The following CDH23 variants were observed in gnomAD, a reference collection of about 807,000 sequenced individuals.
CDH23 encodes the protein cadherin-23.
A neutral mutation model predicts 317.1 loss-of-function variants in CDH23; 189 were observed. The observed-to-expected ratio is 0.60, with a 90% confidence interval of 0.53 to 0.67. CDH23 has a LOEUF of 0.67. Ranked by LOEUF, CDH23 falls within the 30% of genes least tolerant of loss-of-function variation. CDH23 has a pLI of 0.00. For missense variants in CDH23, 4,401 were observed against 4,592.4 expected (o/e 0.96, Z 1.20); for synonymous variants, 1,839 against 1,876.8 (o/e 0.98, Z 0.52).
At chr10:71,559,133 C>T (rs116278460) in intron 6 of CDH23, among the ~76,000 whole-genome samples, 42 of 152,286 alleles carry the variant, frequency 2.8e-4, no homozygotes, top group Admixed American at 1.4e-3. Context: ...TCTGAGATGC[C>T]GGCCTGAGCT....
intron 28 of CDH23, among the ~76,000 whole-genome samples, chr10:71,718,188 G>T (rs1199359077): frequency 6.6e-6 from 1 of 152,194 alleles, no homozygotes; most frequent in Non-Finnish European, 1.5e-5. Context: ...AAGATGTCAG[G>T]TCACGCTCAG....
chr10:71,514,469 C>T (rs1344261502), intron 6 of CDH23, among the ~76,000 whole-genome samples: 8 of 152,178 alleles, frequency 5.3e-5, no homozygotes, highest in Non-Finnish European at 1.2e-4. Context: ...CCCAAGTCCT[C>T]AGGCCAGGAA....
chr10:71,809,218 G>T, intron 60 of CDH23, among the ~76,000 whole-genome samples: 1 of 97,304 alleles, frequency 1.0e-5, no homozygotes, highest in Non-Finnish European at 1.8e-5. Flanking sequence ...TCTGTTTGTT[G>T]CCCAGGCTGG....
At chr10:71,521,770 C>G (rs960297534) in intron 6 of CDH23, among the ~76,000 whole-genome samples, 2 of 152,256 alleles carry the variant, frequency 1.3e-5, no homozygotes, top group African/African-American at 4.8e-5. Flanking sequence ...TTAGTCCTCT[C>G]TCCTCTGGAT....
Position 71,532,894 on chromosome 10 carries a change from T to A in CDH23, c.429+21682T>A, listed in dbSNP as rs141065347. ...ACAGGCATCCACCACCATGCCTGGCTAATTTTTTGTATTTTTTAATAGAGA... is the reference window on the plus strand; with the variant it reads ...ACAGGCATCCACCACCATGCCTGGCAAATTTTTTGTATTTTTTAATAGAGA... On this transcript the variant is annotated intron_variant, in intron 6 of 69. Coordinates refer to ENST00000224721, the MANE Select transcript of CDH23 (RefSeq NM_022124.6). Among the ~76,000 whole-genome samples the A allele has an allele frequency of 7.4e-3, 1,129 of 152,140 alleles. 16 individuals are homozygous for A. The highest frequency in any genetic ancestry group is 0.026 in the African/African-American group (1,078 of 41,518).
chr10:71,655,782 G>A (rs1863391304), intron 14 of CDH23, among the ~76,000 whole-genome samples: 1 of 152,052 alleles, frequency 6.6e-6, no homozygotes, highest in Admixed American at 6.6e-5. Flanking sequence ...GAGAAGGTTA[G>A]CAGAGGCCTC....
intron 1 of CDH23, among the ~76,000 whole-genome samples, chr10:71,433,269 G>C (rs986468751): frequency 6.6e-6 from 1 of 152,144 alleles, no homozygotes; most frequent in Non-Finnish European, 1.5e-5. Flanking sequence ...AGTTGAGCCA[G>C]TCCCCTTTTG....
chr10:71,667,727 G>A (rs953800132), intron 14 of CDH23, among the ~76,000 whole-genome samples: 1 of 152,140 alleles, frequency 6.6e-6, no homozygotes, highest in Non-Finnish European at 1.5e-5. Context: ...TGCAAAGAAA[G>A]CCTGGGTAAG....
Position 71,739,632 on chromosome 10 carries a change from T to A in CDH23, c.4360-12T>A, listed in dbSNP as rs1290714121. 1 of 1,611,954 alleles carries A rather than the reference T, an allele frequency of 6.2e-7. No individual in the cohort carries two copies. Among genetic ancestry groups the A allele is most frequent in the Middle Eastern group, 1.7e-4 (1 of 5,946 alleles). On this transcript the variant is annotated splice_polypyrimidine_tract_variant and intron_variant, in intron 35 of 69. Coordinates refer to ENST00000224721, the MANE Select transcript of CDH23 (RefSeq NM_022124.6). ...ACACCTGCTCACCCCTCACCCTCTC[T>A]TCTCCCCACAGGTGGTCTTCTCCCT...
intron 13 of CDH23, 36 bp downstream of exon 13, chr10:71,646,016 G>C (rs772719809): frequency 1.3e-6 from 2 of 1,593,980 alleles, no homozygotes; most frequent in Non-Finnish European, 1.7e-6. Context: ...GGAGTGGGGT[G>C]GGGGGTGGAT....
In CDH23 at chr10:71,614,586, C is replaced by A. The variant is rs569320971; in HGVS notation, c.833-918C>A. Among the ~76,000 whole-genome samples the A allele has an allele frequency of 3.3e-5, 5 of 152,296 alleles. No homozygotes were observed. In the East Asian group the frequency reaches 9.6e-4, roughly 29 times the overall value. On this transcript the variant is annotated intron_variant, in intron 9 of 69. Coordinates refer to ENST00000224721, the MANE Select transcript of CDH23 (RefSeq NM_022124.6). ...GCCGGGAAGGGAGATCCAATGAACA[C>A]CCAATAATCAACTGGGGAACAGTTA...
At chr10:71,620,318 G>A (rs374286628) in intron 11 of CDH23, among the ~76,000 whole-genome samples, 13 of 152,128 alleles carry the variant, frequency 8.5e-5, no homozygotes, top group African/African-American at 2.4e-4. Context: ...TGTACAGGGC[G>A]TGGCACAGCG....
At chr10:71,481,347 G>A (rs967604147) in intron 3 of CDH23, among the ~76,000 whole-genome samples, 2 of 152,334 alleles carry the variant, frequency 1.3e-5, no homozygotes, top group Non-Finnish European at 1.5e-5. Context: ...CCTGGAACAG[G>A]CAGTCTGCTG....
intron 19 of CDH23, among the ~76,000 whole-genome samples, chr10:71,688,634 G>A (rs201615937): frequency 2.8e-5 from 4 of 143,724 alleles, no homozygotes; most frequent in South Asian, 2.3e-4. Flanking sequence ...AGCCAGGGGT[G>A]GTGGAGTCAG....
At chr10:71,622,350 G>A (rs1861506223) in intron 11 of CDH23, among the ~76,000 whole-genome samples, 2 of 152,166 alleles carry the variant, frequency 1.3e-5, no homozygotes, top group Non-Finnish European at 2.9e-5. Flanking sequence ...CCTGGAAGCT[G>A]AGTCAGCCAC....
chr10:71,761,016 G>A (rs1329703070), intron 38 of CDH23: 1 of 1,299,784 alleles, frequency 7.7e-7, no homozygotes, highest in Non-Finnish European at 1.1e-6. Flanking sequence ...CCTGCCCCAG[G>A]TTCTCACGCT....
chr10:71,603,237 T>C (rs907762060), intron 9 of CDH23, among the ~76,000 whole-genome samples: 2 of 152,186 alleles, frequency 1.3e-5, no homozygotes, highest in African/African-American at 4.8e-5. Context: ...TCCTTGGGCG[T>C]CTGATCACCG....
chr10:71,500,429 G>A (rs1853226719), intron 3 of CDH23, among the ~76,000 whole-genome samples: 1 of 152,188 alleles, frequency 6.6e-6, no homozygotes, highest in African/African-American at 2.4e-5. Context: ...GGCCAGGTGA[G>A]CCCGCAGCCC....
At chr10:71,685,145 C>T (rs1382101591) in intron 18 of CDH23, among the ~76,000 whole-genome samples, 1 of 152,206 alleles carries the variant, frequency 6.6e-6, no homozygotes, top group Non-Finnish European at 1.5e-5. Flanking sequence ...CTCAAACTTC[C>T]CTGGGCCCTG....
Sources: gnomAD v4.1 joint callset for allele counts (sites outside exome capture counted in the v4.1 genomes callset) on GRCh38, gnomAD v4.1.1 for gene constraint, MANE v1.5 for transcripts, NCBI Gene and HGNC (gene_info 2026-07-23, HGNC 2026-07-21) for gene names.